The following PLPPR5 variants were observed in gnomAD, a reference collection of about 807,000 sequenced individuals.
PLPPR5 encodes phospholipid phosphatase related 5.
Under a neutral mutation model 33.9 loss-of-function variants are expected in PLPPR5, and 16 were observed. The ratio of observed to expected loss-of-function variants is 0.47; its 90% confidence interval spans 0.32 to 0.72. PLPPR5 has a LOEUF of 0.72. Ranked by LOEUF, PLPPR5 falls within the 30% of genes least tolerant of loss-of-function variation. The pLI is 0.03. For missense variants in PLPPR5, 301 were observed against 406.7 expected (o/e 0.74, Z 2.23); for synonymous variants, 163 against 150.3 (o/e 1.08, Z -0.62).
At chr1:98,983,145 G>C (rs1652118052) in intron 1 of PLPPR5, among the ~76,000 whole-genome samples, 1 of 151,362 alleles carries the variant, frequency 6.6e-6, no homozygotes, top group South Asian at 2.1e-4. Flanking sequence ...GTGCAGGTTA[G>C]TTACATATGT....
At chr1:98,942,195 C>A (rs529357230) in intron 3 of PLPPR5, among the ~76,000 whole-genome samples, 1 of 152,106 alleles carries the variant, frequency 6.6e-6, no homozygotes, top group East Asian at 1.9e-4. Flanking sequence ...CCTCAGCCTC[C>A]CGAATAGCTA....
At chr1:98,901,251 C>A (rs565856236) in intron 5 of PLPPR5, among the ~76,000 whole-genome samples, 1 of 152,122 alleles carries the variant, frequency 6.6e-6, no homozygotes, top group East Asian at 1.9e-4. Context: ...AATGGCAAAA[C>A]GCGAGGAACC....
intron 4 of PLPPR5, among the ~76,000 whole-genome samples, chr1:98,920,592 C>CAAAAAAAAAAA (rs1557669386): frequency 2.9e-4 from 4 of 13,672 alleles, no homozygotes; most frequent in South Asian, 1.8e-3. Flanking sequence ...AGTGGTATCA[C>CAAAAAAAAAAA]CAAAAAAAAA....
chr1:98,952,088 C>T (rs528545304), intron 3 of PLPPR5, among the ~76,000 whole-genome samples: 1 of 152,036 alleles, frequency 6.6e-6, no homozygotes, highest in African/African-American at 2.4e-5. Flanking sequence ...CATGGTGAAA[C>T]CCCATCTCTA....
intron 1 of PLPPR5, among the ~76,000 whole-genome samples, chr1:98,973,024 A>G (rs964149620): frequency 1.3e-5 from 2 of 152,084 alleles, no homozygotes; most frequent in Non-Finnish European, 2.9e-5. Flanking sequence ...ACAGACACAT[A>G]CTGTAGCAGA....
intron 3 of PLPPR5, among the ~76,000 whole-genome samples, chr1:98,928,258 T>C (rs1649835968): frequency 1.3e-5 from 2 of 151,934 alleles, no homozygotes. Context: ...TAATATATGT[T>C]TGAAACAAAT....
chr1:98,911,263 T>C (rs1308325164), intron 5 of PLPPR5, among the ~76,000 whole-genome samples: 1 of 152,206 alleles, frequency 6.6e-6, no homozygotes, highest in Admixed American at 6.5e-5. Flanking sequence ...GCCAATGCAC[T>C]ATAGTGAGTA....
At chr1:98,902,315 T>C (rs946570727) in intron 5 of PLPPR5, among the ~76,000 whole-genome samples, 1 of 151,910 alleles carries the variant, frequency 6.6e-6, no homozygotes, top group African/African-American at 2.4e-5. Context: ...GGAAATTCTG[T>C]GTTCAACACA....
intron 1 of PLPPR5, among the ~76,000 whole-genome samples, chr1:98,966,251 G>T (rs1557686600): frequency 6.6e-6 from 1 of 152,212 alleles, no homozygotes; most frequent in Admixed American, 6.5e-5. Context: ...ATAATAATTT[G>T]TTAGTAAAGT....
intron 5 of PLPPR5, among the ~76,000 whole-genome samples, chr1:98,901,303 G>A (rs989449114): frequency 7.0e-4 from 107 of 152,224 alleles, no homozygotes; most frequent in African/African-American, 2.5e-3. Flanking sequence ...ATTGAAGGAG[G>A]GATGACTACA....
chr1:99,003,406 T>C (rs1209541801), intron 1 of PLPPR5, among the ~76,000 whole-genome samples: 1 of 152,170 alleles, frequency 6.6e-6, no homozygotes, highest in African/African-American at 2.4e-5. Flanking sequence ...CCCCTTCATT[T>C]TCTTATTTCC....
chr1:98,982,711 C>G (rs1652099723), intron 1 of PLPPR5, among the ~76,000 whole-genome samples: 2 of 151,986 alleles, frequency 1.3e-5, no homozygotes, highest in Admixed American at 6.6e-5. Context: ...TTTGACAGTT[C>G]TTGCAACCTA....
In PLPPR5 at chr1:98,940,856, G is replaced by A. The variant is rs983342165; in HGVS notation, c.621+12214C>T. Among the ~76,000 whole-genome samples, 30 of 151,882 alleles carry A rather than the reference G, an allele frequency of 2.0e-4. 1 individual carries two copies. Among genetic ancestry groups the A allele is most frequent in the Admixed American group, 6.6e-5 (1 of 15,192 alleles). On this transcript the variant is annotated intron_variant, in intron 3 of 5. Transcript: ENST00000263177. ...GGGGTGTGGAAGAGGGAGGAGCTGAGAATGACTCAGAGATTTCAGGCTTGG... is the reference window on the plus strand; with the variant it reads ...GGGGTGTGGAAGAGGGAGGAGCTGAAAATGACTCAGAGATTTCAGGCTTGG...
intron 5 of PLPPR5, among the ~76,000 whole-genome samples, chr1:98,904,758 T>G (rs192424752): frequency 6.6e-6 from 1 of 152,124 alleles, no homozygotes; most frequent in Non-Finnish European, 1.5e-5. Flanking sequence ...CTGGAAGGAC[T>G]GCCAATGCAC....
chr1:98,911,507 C>T (rs1440799250), intron 5 of PLPPR5, among the ~76,000 whole-genome samples: 8 of 151,984 alleles, frequency 5.3e-5, no homozygotes, highest in Non-Finnish European at 1.0e-4. Context: ...TAAAAATGAA[C>T]TAGCATAACA....
chr1:98,967,673 A>G (rs1651497775), intron 1 of PLPPR5, among the ~76,000 whole-genome samples: 1 of 152,128 alleles, frequency 6.6e-6, no homozygotes, highest in East Asian at 1.9e-4. Context: ...AAATGGAAAC[A>G]ATAGAAATAA....
intron 3 of PLPPR5, among the ~76,000 whole-genome samples, chr1:98,927,055 C>T (rs1166690275): frequency 6.6e-6 from 1 of 152,116 alleles, no homozygotes; most frequent in Non-Finnish European, 1.5e-5. Flanking sequence ...TTAATTCAGA[C>T]CTGTGATGGG....
At chr1:98,998,776 A>T (rs1317519989) in intron 1 of PLPPR5, among the ~76,000 whole-genome samples, 1 of 152,166 alleles carries the variant, frequency 6.6e-6, no homozygotes, top group African/African-American at 2.4e-5. Context: ...GATTACATTA[A>T]TGAATTTAAA....
intron 3 of PLPPR5, among the ~76,000 whole-genome samples, chr1:98,941,656 T>C (rs1225145209): frequency 1.3e-5 from 2 of 151,666 alleles, no homozygotes; most frequent in Non-Finnish European, 2.9e-5. Flanking sequence ...AATAGAAAGA[T>C]GCCTGATTAA....
Sources: gnomAD v4.1 joint callset for allele counts (sites outside exome capture counted in the v4.1 genomes callset) on GRCh38, gnomAD v4.1.1 for gene constraint, MANE v1.5 for transcripts, NCBI Gene and HGNC (gene_info 2026-07-23, HGNC 2026-07-21) for gene names.